The following CASTOR2 variants were observed in gnomAD, a reference collection of about 807,000 sequenced individuals.
CASTOR2 encodes the protein GATS protein like 2.
In CASTOR2, 8 loss-of-function variants were observed where a neutral mutation model predicts 31.2. That is an observed-to-expected ratio of 0.26 (90% CI 0.15 to 0.46). The LOEUF (loss-of-function observed/expected upper bound fraction) is 0.46, where lower values mean the gene tolerates loss of function less well. Among genes scored for constraint, CASTOR2 ranks in the 20% least tolerant of loss-of-function variants. The pLI, the probability that CASTOR2 is intolerant of heterozygous loss-of-function variation, is 0.99. For synonymous variants in CASTOR2, 162 were observed against 158.7 expected (o/e 1.02, Z -0.16); for missense variants, 216 against 382.1 (o/e 0.57, Z 3.62).
Position 75,008,003 on chromosome 7 carries a change from C to T in CASTOR2, c.123C>T (p.Phe41=). 6.2e-7 allele frequency: 1 copy of T among 1,613,962 alleles called. No individual in the cohort carries two copies. The highest frequency in any genetic ancestry group is 8.5e-7 in the Non-Finnish European group (1 of 1,179,862). Residue 41 remains phenylalanine, a synonymous_variant, in exon 2 of 9, where the codon TTC becomes TTT. Transcript: ENST00000616305. ...AFLSSKTRCK[F]FSLTETPEDY... ...CTGTCCATCCATCCAGGTGCAAGTT[C>T]TTCAGTCTGACTGAGACGCCAGAGG...
intron 1 of CASTOR2, among the ~76,000 whole-genome samples, chr7:74,984,992 C>T (rs1367874001): frequency 2.6e-5 from 4 of 152,036 alleles, no homozygotes; most frequent in Non-Finnish European, 5.9e-5. Context: ...CAAAAATTAG[C>T]TGGGTGTGAT....
rs1265531279 is a variant in CASTOR2 at position 75,026,432 on chromosome 7, C to A, written c.*1733C>A. 1.3e-5 allele frequency among the ~76,000 whole-genome samples: 2 copies of A among 152,026 alleles called. No individual in the cohort carries two copies. Among genetic ancestry groups the A allele is most frequent in the Non-Finnish European group, 2.9e-5 (2 of 68,008 alleles). Reference sequence around the variant, plus strand: ...TCTTGAACTCCTGAGTTAAGTGATCCGCCTGCCTCGGCCTCCCAAAATGCC... The same window carrying A: ...TCTTGAACTCCTGAGTTAAGTGATCAGCCTGCCTCGGCCTCCCAAAATGCC... On this transcript the variant is annotated 3_prime_UTR_variant, in exon 9 of 9. Transcript: ENST00000616305.
chr7:75,007,926 G>T, intron 1 of CASTOR2, 68 bp from the exon 2 acceptor site: 3 of 1,610,992 alleles, frequency 1.9e-6, no homozygotes, highest in Non-Finnish European at 2.5e-6. Context: ...CCCAGGGCAC[G>T]GGTGGGCAGC....
At chr7:74,988,729 C>T (rs587726832) in intron 1 of CASTOR2, among the ~76,000 whole-genome samples, 5,716 of 152,212 alleles carry the variant, frequency 0.038, 131 homozygotes, top group African/African-American at 0.056. Context: ...CCCCCCACAG[C>T]GACCATGACA....
At chr7:75,023,152 C>T (rs1805044129) in intron 7 of CASTOR2, among the ~76,000 whole-genome samples, 1 of 151,878 alleles carries the variant, frequency 6.6e-6, no homozygotes, top group Non-Finnish European at 1.5e-5. Context: ...ACTAAAAATA[C>T]AAAAAATTAG....
intron 1 of CASTOR2, among the ~76,000 whole-genome samples, chr7:74,981,705 G>A (rs1554436296): frequency 1.3e-5 from 2 of 151,304 alleles, no homozygotes; most frequent in Admixed American, 6.6e-5. Flanking sequence ...GGGATTACAA[G>A]TATGAGCTAC....
intron 6 of CASTOR2, among the ~76,000 whole-genome samples, chr7:75,020,782 A>C (rs987153059): frequency 1.3e-5 from 2 of 148,262 alleles, no homozygotes; most frequent in African/African-American, 5.0e-5. Context: ...AGCCACCGCA[A>C]CCAGCCTGAT....
At position 75,027,788 on chromosome 7, in the gene CASTOR2, T is replaced by C; in HGVS notation, c.*3089T>C. 1 of 557,868 alleles carries C rather than the reference T, an allele frequency of 1.8e-6. No homozygotes were observed. Among genetic ancestry groups the C allele is most frequent in the African/African-American group, 1.9e-5 (1 of 51,980 alleles). 34.6% of individuals were successfully genotyped at this position (557,868 alleles called of 1,614,324 possible). A position where few individuals can be genotyped will look rare whatever the true frequency, so the allele number is the denominator to read the frequency against. On this transcript the variant is annotated 3_prime_UTR_variant, in exon 9 of 9. Transcript: ENST00000616305. ...CTCGTGTAAAGCTTGGTTTATCTTC[T>C]CGGCGTTCTGTGTGTAGCGTAGTCT...
At chr7:74,978,065 T>G (rs1191074379) in intron 1 of CASTOR2, among the ~76,000 whole-genome samples, 1 of 150,214 alleles carries the variant, frequency 6.7e-6, no homozygotes, top group Non-Finnish European at 1.5e-5. Context: ...CTGAGCTAGA[T>G]CTCTGCTTAA....
chr7:74,997,533 C>A (rs1249632679), intron 1 of CASTOR2, among the ~76,000 whole-genome samples: 2 of 151,528 alleles, frequency 1.3e-5, no homozygotes, highest in African/African-American at 4.9e-5. Flanking sequence ...TCAAGCGATT[C>A]TTGTGCTTCA....
intron 1 of CASTOR2, among the ~76,000 whole-genome samples, chr7:74,980,881 C>G (rs1584460089): frequency 4.1e-5 from 2 of 49,248 alleles, no homozygotes; most frequent in East Asian, 1.3e-3. Flanking sequence ...AGAGCCGTTG[C>G]GTCCTCCAGC....
At chr7:75,009,969 C>G (rs1389243337) in intron 2 of CASTOR2, among the ~76,000 whole-genome samples, 19 of 146,808 alleles carry the variant, frequency 1.3e-4, no homozygotes, top group African/African-American at 4.8e-4. Context: ...CAGGTATGAT[C>G]GTAGTGCATA....
intron 1 of CASTOR2, among the ~76,000 whole-genome samples, chr7:75,007,622 C>T (rs1385828418): frequency 1.3e-5 from 2 of 152,106 alleles, no homozygotes; most frequent in Non-Finnish European, 2.9e-5. Context: ...GTTACAGTGG[C>T]AGAGCCATGG....
At position 75,020,032 on chromosome 7, in the gene CASTOR2, T is replaced by A; in HGVS notation, c.636-7T>A. The A allele has an allele frequency of 1.9e-6, 3 of 1,551,018 alleles. No homozygotes were observed. The highest frequency in any genetic ancestry group is 2.6e-6 in the Non-Finnish European group (3 of 1,146,646). ...CCCCATCTTTACCAGCTGCCTCTGG[T>A]CCCCAGAGTGAAGGACCCCATGGCC... On this transcript the variant is annotated splice_polypyrimidine_tract_variant and splice_region_variant and intron_variant, in intron 5 of 8. Coordinates refer to ENST00000616305, the MANE Select transcript of CASTOR2 (RefSeq NM_001145064.3).
At chr7:74,995,147 A>G (rs1219237692) in intron 1 of CASTOR2, among the ~76,000 whole-genome samples, 4 of 152,100 alleles carry the variant, frequency 2.6e-5, no homozygotes, top group Non-Finnish European at 4.4e-5. Flanking sequence ...AGGTGGCCCA[A>G]TGGCAGGGGG....
chr7:75,030,518 A>G lies in CASTOR2; in HGVS notation c.*5819A>G, dbSNP rs2131965405. On this transcript the variant is annotated 3_prime_UTR_variant, in exon 9 of 9. Transcript: ENST00000616305. ...GGAACAGTTTGAGCAGTTCTGGCTC[A>G]GGGTCATTCATGAGGTTGCTGTTGT... Among the ~76,000 whole-genome samples the G allele has an allele frequency of 6.6e-6, 1 of 152,292 alleles. No individual in the cohort carries two copies. The highest frequency in any genetic ancestry group is 1.5e-5 in the Non-Finnish European group (1 of 68,022).
chr7:75,004,959 G>A lies in CASTOR2; in HGVS notation c.114-3035G>A, dbSNP rs1475186691. Among the ~76,000 whole-genome samples the A allele has an allele frequency of 5.9e-5, 9 of 151,924 alleles. No homozygotes were observed. The South Asian group carries it at 6.2e-4, about 11-fold the overall frequency. On this transcript the variant is annotated intron_variant, in intron 1 of 8. Coordinates refer to ENST00000616305, the MANE Select transcript of CASTOR2 (RefSeq NM_001145064.3). The stretch of plus-strand genomic sequence containing the variant: ...TGGCTCATTGCAACCTCCACCTCCC[G>A]GGTTCAAGTGAGTCTTCTGCCTCTG...
chr7:74,972,614 G>C (rs1446714647), intron 1 of CASTOR2, among the ~76,000 whole-genome samples: 1 of 149,780 alleles, frequency 6.7e-6, no homozygotes, highest in African/African-American at 2.4e-5. Flanking sequence ...TGGGTCATTC[G>C]TGTTCCTACA....
In CASTOR2 at chr7:75,024,779, A is replaced by G. The variant is rs1584479579; in HGVS notation, c.*80A>G. 6.4e-7 allele frequency: 1 copy of G among 1,551,150 alleles called. No individual in the cohort carries two copies. The highest frequency in any genetic ancestry group is 2.4e-5 in the East Asian group (1 of 40,920). On this transcript the variant is annotated 3_prime_UTR_variant, in exon 9 of 9. Transcript: ENST00000616305. ...GATTGATCTTGCAGTATTTCTCTAC[A>G]GACTGGAAAATCAGCCTGGGGACCC...
Sources: allele counts gnomAD v4.1 joint callset (sites outside exome capture counted in the v4.1 genomes callset), GRCh38; gene constraint gnomAD v4.1.1; transcripts MANE v1.5; gene names NCBI Gene and HGNC (gene_info 2026-07-23, HGNC 2026-07-21).